SASH1: variants seen among roughly 807,000 people sequenced by gnomAD.
The protein encoded by SASH1 is SAM and SH3 domain-containing protein 1.
Under a neutral mutation model 125.2 loss-of-function variants are expected in SASH1, and 44 were observed. That is an observed-to-expected ratio of 0.35 (90% CI 0.28 to 0.45). The LOEUF is 0.45. SASH1 is among the 20% of genes least tolerant of loss of function. The probability of loss-of-function intolerance (pLI) is 1.00; values close to 1 mark genes in which losing one functional copy is unlikely to be tolerated. For synonymous variants in SASH1, 639 were observed against 649.1 expected, an observed-to-expected ratio of 0.98 and a Z score of 0.24; for missense variants, 1,426 against 1,614.5, an observed-to-expected ratio of 0.88 and a Z score of 2.00.
the SASH1 span, among the ~76,000 whole-genome samples, chr6:148,213,164 A>G: frequency 6.6e-6 from 1 of 152,216 alleles, no homozygotes; most frequent in African/African-American, 2.4e-5. Context: ...TAAAAACTCT[A>G]GCGTCCTTCA....
At chr6:148,296,189 T>C in intron 1 of SASH1, among the ~76,000 whole-genome samples, 1 of 152,194 alleles carries the variant, frequency 6.6e-6, no homozygotes, top group Middle Eastern at 3.4e-3. Context: ...GCAGTGGCGC[T>C]ATCTCGGCTC....
intron 4 of SASH1, among the ~76,000 whole-genome samples, chr6:148,467,561 A>G (rs976038536): frequency 6.6e-6 from 1 of 152,184 alleles, no homozygotes; most frequent in Admixed American, 6.5e-5. Flanking sequence ...ATGCCCAGAC[A>G]TGTATTGATT....
At chr6:148,476,298 A>G (rs936334518) in intron 7 of SASH1, among the ~76,000 whole-genome samples, 2 of 151,308 alleles carry the variant, frequency 1.3e-5, no homozygotes, top group Non-Finnish European at 2.9e-5. Context: ...AAAAAAGGAA[A>G]GCTATTCCCT....
At chr6:148,382,765 C>T (rs56821264) in intron 1 of SASH1, among the ~76,000 whole-genome samples, 3,072 of 152,234 alleles carry the variant, frequency 0.02, 160 homozygotes, top group East Asian at 0.15. Flanking sequence ...ATCACCATGA[C>T]CGTATATGCC....
In SASH1 at chr6:148,387,636, CTTT is replaced by C. The variant is rs1562371391; in HGVS notation, c.157-2497_157-2495del. 8.3e-3 allele frequency among the ~76,000 whole-genome samples: 313 copies of C among 37,910 alleles called. 26 individuals are homozygous for C. The highest frequency in any genetic ancestry group is 0.014 in the Middle Eastern group (1 of 70). The allele number at this position is 37,910 out of a possible 152,430, so 24.9% of individuals were successfully genotyped here. A position where few individuals can be genotyped will look rare whatever the true frequency, so the allele number is the denominator to read the frequency against. On this transcript the variant is annotated intron_variant, in intron 1 of 19. Transcript: ENST00000367467. The stretch of plus-strand genomic sequence containing the variant: ...TCTTTCTTTCTTTCTTTCTTTCTTT[CTTT>C]CTTTCTTTCTTTCTTTCTTTCTTTC...
intron 4 of SASH1, among the ~76,000 whole-genome samples, chr6:148,444,164 T>C (rs1776678180): frequency 6.6e-6 from 1 of 152,230 alleles, no homozygotes; most frequent in Non-Finnish European, 1.5e-5. Flanking sequence ...TCCCAGCTTG[T>C]CTCAGGGACC....
chr6:148,268,743 T>C (rs894583721), upstream of SASH1, among the ~76,000 whole-genome samples: 5 of 152,242 alleles, frequency 3.3e-5, no homozygotes, highest in African/African-American at 1.2e-4. Flanking sequence ...TCAGCTTTGT[T>C]TGAGCCACAA....
the SASH1 span, among the ~76,000 whole-genome samples, chr6:148,212,318 A>G: frequency 0.65 from 98,623 of 152,074 alleles, 33,030 homozygotes; most frequent in African/African-American, 0.82. Flanking sequence ...ATGGGGCAGC[A>G]CTGATGCCAA....
the SASH1 span, among the ~76,000 whole-genome samples, chr6:148,223,686 G>A: frequency 6.6e-6 from 1 of 152,130 alleles, no homozygotes; most frequent in Non-Finnish European, 1.5e-5. Context: ...AACAAGGAGT[G>A]ACTAATTGCA....
At chr6:148,443,327 C>T (rs985078252) in intron 4 of SASH1, among the ~76,000 whole-genome samples, 11 of 147,914 alleles carry the variant, frequency 7.4e-5, no homozygotes, top group African/African-American at 2.7e-4. Context: ...TATCGGGGGC[C>T]CGTGATGTCC....
At chr6:148,399,214 C>CTTT (rs371374910) in intron 2 of SASH1, among the ~76,000 whole-genome samples, 13 of 106,672 alleles carry the variant, frequency 1.2e-4, no homozygotes, top group East Asian at 2.8e-4. Flanking sequence ...ATTTCAGCTT[C>CTTT]TTTTTTTTTT....
the SASH1 span, among the ~76,000 whole-genome samples, chr6:148,224,367 C>CTT: frequency 6.8e-6 from 1 of 146,686 alleles, no homozygotes; most frequent in African/African-American, 2.5e-5. Flanking sequence ...TCCCCCCAGC[C>CTT]TTTTTTTTTT....
chr6:148,276,084 G>C (rs1313240872), intron 1 of SASH1, among the ~76,000 whole-genome samples: 7 of 152,204 alleles, frequency 4.6e-5, no homozygotes, highest in Non-Finnish European at 1.0e-4. Context: ...CTTAGAGTTA[G>C]AGAGTATAGG....
chr6:148,408,663 G>A lies in SASH1; in HGVS notation c.285+18401G>A, dbSNP rs185595635. 3.9e-5 allele frequency among the ~76,000 whole-genome samples: 6 copies of A among 152,168 alleles called. 1 individual carries two copies. The highest frequency in any genetic ancestry group is 2.6e-4 in the Admixed American group (4 of 15,286). On this transcript the variant is annotated intron_variant, in intron 2 of 19. Coordinates refer to ENST00000367467, the MANE Select transcript of SASH1 (RefSeq NM_015278.5). ...TGATCGTGTCCTTTGATGCACAAAC[G>A]TTTTCATAATTCTGATGGAGTTCAG...
intron 1 of SASH1, among the ~76,000 whole-genome samples, chr6:148,283,024 T>G (rs1043363631): frequency 1.2e-4 from 18 of 152,156 alleles, no homozygotes; most frequent in Admixed American, 1.2e-3. Context: ...AGACCTGAAG[T>G]GATCCCAAGC....
intron 8 of SASH1, among the ~76,000 whole-genome samples, chr6:148,488,006 G>A (rs1285649444): frequency 6.6e-6 from 1 of 151,348 alleles, no homozygotes; most frequent in Non-Finnish European, 1.5e-5. Context: ...TACTGGTACT[G>A]TTAATGATAT....
At chr6:148,248,447 G>A in the SASH1 span, among the ~76,000 whole-genome samples, 6,338 of 152,196 alleles carry the variant, frequency 0.042, 220 homozygotes, top group East Asian at 0.18. Context: ...AACTCTTTGC[G>A]GCATAACGTG....
intron 1 of SASH1, among the ~76,000 whole-genome samples, chr6:148,322,957 C>G (rs1388277323): frequency 7.4e-6 from 1 of 135,680 alleles, no homozygotes; most frequent in Non-Finnish European, 1.6e-5. Context: ...CTTCCTCCCT[C>G]CCTCCCTCTC....
At chr6:148,206,793 GCACA>G in the SASH1 span, among the ~76,000 whole-genome samples, 1,379 of 134,552 alleles carry the variant, frequency 0.01, 11 homozygotes, top group Middle Eastern at 0.019. Context: ...CCATCTCAAA[GCACA>G]CACACACACA....
Sources: allele counts gnomAD v4.1 joint callset (sites outside exome capture counted in the v4.1 genomes callset), GRCh38; gene constraint gnomAD v4.1.1; transcripts MANE v1.5; gene names NCBI Gene and HGNC (gene_info 2026-07-23, HGNC 2026-07-21).